The following DKK2 variants were observed in gnomAD, a reference collection of about 807,000 sequenced individuals.
DKK2 encodes dickkopf Wnt signaling pathway inhibitor 2, also known as dickkopf-related protein 2.
Under a neutral mutation model 28.1 loss-of-function variants are expected in DKK2, and 11 were observed. The observed-to-expected ratio is 0.39, with a 90% CI of 0.25 to 0.65. The LOEUF (loss-of-function observed/expected upper bound fraction) is 0.65. Among genes scored for constraint, DKK2 ranks in the 30% least tolerant of loss-of-function variants. The pLI, the probability that DKK2 is intolerant of heterozygous loss-of-function variation, is 0.47. For synonymous variants in DKK2, 135 were observed against 126.5 expected (o/e 1.07, Z -0.45); for missense variants, 326 against 335.5 (o/e 0.97, Z 0.22).
At chr4:107,009,209 A>T (rs1723481402) in intron 1 of DKK2, among the ~76,000 whole-genome samples, 2 of 152,022 alleles carry the variant, frequency 1.3e-5, no homozygotes, top group South Asian at 2.1e-4. Context: ...CAGAAAAAAA[A>T]AATCCCCATT....
intron 1 of DKK2, among the ~76,000 whole-genome samples, chr4:107,014,816 TACACACACACACACAA>T (rs1408331708): frequency 1.3e-5 from 2 of 150,102 alleles, no homozygotes; most frequent in Admixed American, 6.7e-5. Flanking sequence ...AAATAGGTTC[TACACACACACACACAA>T]ACACACACAC....
intron 1 of DKK2, among the ~76,000 whole-genome samples, chr4:106,975,138 G>T (rs187300634): frequency 7.9e-5 from 12 of 152,256 alleles, no homozygotes; most frequent in Non-Finnish European, 1.2e-4. Flanking sequence ...GCTGGATTTG[G>T]TTTGCCAGTA....
Position 107,035,491 on chromosome 4 carries a change from T to C in DKK2, c.101A>G (p.Lys34Arg). ...CAGAGAGGACTTGATGGAGTTGAGT[T>C]TGGCCCGCGAACTGCCGATCTGTGA... ...ESSQIGSSRA[K>R]LNSIKSSLGG... Residue 34 changes from lysine (K) to arginine (R), a missense_variant, in exon 1 of 4, where the codon AAA becomes AGA. By Grantham distance (26) the Lys-to-Arg change is conservative. Coordinates refer to ENST00000285311, the MANE Select transcript of DKK2 (RefSeq NM_014421.3). 6.2e-7 allele frequency: 1 copy of C among 1,614,166 alleles called. No homozygotes were observed.
At chr4:106,989,043 T>G (rs1039967134) in intron 1 of DKK2, among the ~76,000 whole-genome samples, 58 of 152,312 alleles carry the variant, frequency 3.8e-4, no homozygotes, top group African/African-American at 1.1e-3. Flanking sequence ...CGCCTCTTCC[T>G]GTAAGTGACC....
At chr4:106,999,800 A>C (rs1263271950) in intron 1 of DKK2, among the ~76,000 whole-genome samples, 1 of 152,176 alleles carries the variant, frequency 6.6e-6, no homozygotes, top group African/African-American at 2.4e-5. Flanking sequence ...TTTTTCTCGT[A>C]TTAAATTTTG....
chr4:107,030,347 A>G (rs991342855), intron 1 of DKK2, among the ~76,000 whole-genome samples: 2 of 152,012 alleles, frequency 1.3e-5, no homozygotes, highest in African/African-American at 4.8e-5. Context: ...GTAATACTAA[A>G]TTTTTCTTAT....
At chr4:106,967,150 T>A (rs1326735715) in intron 1 of DKK2, among the ~76,000 whole-genome samples, 1 of 152,144 alleles carries the variant, frequency 6.6e-6, no homozygotes, top group Non-Finnish European at 1.5e-5. Flanking sequence ...AGGCACCATG[T>A]CAGGCACTGG....
At chr4:106,940,044 C>T (rs1209091752) in intron 1 of DKK2, among the ~76,000 whole-genome samples, 1 of 152,130 alleles carries the variant, frequency 6.6e-6, no homozygotes, top group Non-Finnish European at 1.5e-5. Flanking sequence ...AGGACATAGG[C>T]ATGGGCAAGG....
chr4:106,963,086 G>C (rs547402868), intron 1 of DKK2, among the ~76,000 whole-genome samples: 112 of 145,650 alleles, frequency 7.7e-4, no homozygotes, highest in Non-Finnish European at 1.5e-3. Context: ...CGGGCGCGAG[G>C]TTTCACGCTT....
intron 1 of DKK2, among the ~76,000 whole-genome samples, chr4:106,949,349 A>G (rs1220198057): frequency 6.6e-6 from 1 of 152,166 alleles, no homozygotes; most frequent in Non-Finnish European, 1.5e-5. Context: ...TGCAGAGCTC[A>G]TAGTACCAGG....
chr4:107,019,097 T>C (rs1252745271), intron 1 of DKK2, among the ~76,000 whole-genome samples: 1 of 152,044 alleles, frequency 6.6e-6, no homozygotes, highest in Non-Finnish European at 1.5e-5. Context: ...AACGAGAAGA[T>C]AAGAACTTCA....
At chr4:106,988,012 C>A (rs994384700) in intron 1 of DKK2, among the ~76,000 whole-genome samples, 1 of 152,028 alleles carries the variant, frequency 6.6e-6, no homozygotes, top group Non-Finnish European at 1.5e-5. Context: ...CTATAGGCAC[C>A]CACCATCACG....
intron 1 of DKK2, among the ~76,000 whole-genome samples, chr4:106,962,542 TG>T (rs1722707387): frequency 7.3e-6 from 1 of 136,720 alleles, no homozygotes; most frequent in Non-Finnish European, 1.6e-5. Flanking sequence ...TGTGTGTGTG[TG>T]TGTGTGTGTG....
intron 1 of DKK2, among the ~76,000 whole-genome samples, chr4:107,024,364 C>G (rs967858939): frequency 2.0e-5 from 3 of 151,910 alleles, no homozygotes; most frequent in Non-Finnish European, 4.4e-5. Context: ...CCTGCAAGAA[C>G]AAAAAACTAA....
chr4:106,944,544 TA>T, intron 1 of DKK2, among the ~76,000 whole-genome samples: 1 of 152,156 alleles, frequency 6.6e-6, no homozygotes, highest in Non-Finnish European at 1.5e-5. Context: ...TAAAGAAATT[TA>T]CATACTTTCT....
intron 1 of DKK2, among the ~76,000 whole-genome samples, chr4:106,993,778 T>A (rs1185667530): frequency 6.6e-6 from 1 of 152,220 alleles, no homozygotes; most frequent in African/African-American, 2.4e-5. Context: ...ATGTTGTGAA[T>A]AATACTGAAG....
In DKK2 at chr4:106,965,743, C is replaced by A. The variant is rs113696485; in HGVS notation, c.223-39794G>T. 4.8e-3 allele frequency among the ~76,000 whole-genome samples: 567 copies of A among 118,028 alleles called. 2 individuals carry two copies. The highest frequency in any genetic ancestry group is 0.017 in the African/African-American group (526 of 31,348). The allele number at this position is 118,028 out of a possible 152,430, so 77.4% of individuals were successfully genotyped here. A position where few individuals can be genotyped will look rare whatever the true frequency, so the allele number is the denominator to read the frequency against. ...TATATCTCCCAATGCTATCCCTCCCCCCTCCCCCCACCCCACAACAGTCCC... is the reference window on the plus strand; with the variant it reads ...TATATCTCCCAATGCTATCCCTCCCACCTCCCCCCACCCCACAACAGTCCC... On this transcript the variant is annotated intron_variant, in intron 1 of 3. Transcript: ENST00000285311.
intron 1 of DKK2, among the ~76,000 whole-genome samples, chr4:106,973,744 T>G (rs1259835080): frequency 6.6e-6 from 1 of 152,214 alleles, no homozygotes; most frequent in East Asian, 1.9e-4. Context: ...CTTAATTAGA[T>G]CCCATTTGTC....
intron 1 of DKK2, among the ~76,000 whole-genome samples, chr4:106,961,510 A>G (rs950195961): frequency 6.6e-6 from 1 of 151,890 alleles, no homozygotes; most frequent in Non-Finnish European, 1.5e-5. Context: ...AAATTTTAAA[A>G]TGTTTGACCT....
Sources: allele counts gnomAD v4.1 joint callset (sites outside exome capture counted in the v4.1 genomes callset), GRCh38; gene constraint gnomAD v4.1.1; transcripts MANE v1.5; gene names NCBI Gene and HGNC (gene_info 2026-07-23, HGNC 2026-07-21).